ST6GALNAC3: variants seen among roughly 807,000 people sequenced by gnomAD.
ST6GALNAC3 encodes the protein alpha-N-acetylgalactosaminide alpha-2,6-sialyltransferase 3.
In ST6GALNAC3, 25 loss-of-function variants were observed where a neutral mutation model predicts 32.7. The ratio of observed to expected loss-of-function variants is 0.76; its 90% CI spans 0.56 to 1.07. ST6GALNAC3 has a LOEUF of 1.07. Among genes scored for constraint, ST6GALNAC3 ranks in the 50% least tolerant of loss-of-function variants. The pLI is 0.00. For synonymous variants in ST6GALNAC3, 129 were observed against 133.1 expected, an observed-to-expected ratio of 0.97 and a Z score of 0.21; for missense variants, 355 against 382.4, an observed-to-expected ratio of 0.93 and a Z score of 0.60.
intron 1 of ST6GALNAC3, among the ~76,000 whole-genome samples, chr1:76,259,077 G>A (rs895884681): frequency 2.6e-5 from 4 of 152,012 alleles, no homozygotes; most frequent in Admixed American, 2.6e-4. Flanking sequence ...CCTCGCTCAC[G>A]AAAATAAAAG....
At chr1:76,171,943 C>G (rs1455513077) in intron 1 of ST6GALNAC3, among the ~76,000 whole-genome samples, 1 of 151,938 alleles carries the variant, frequency 6.6e-6, no homozygotes, top group African/African-American at 2.4e-5. Context: ...TGAAACTATT[C>G]CAAACAGTTG....
chr1:76,369,501 G>T (rs1425767571), intron 2 of ST6GALNAC3, among the ~76,000 whole-genome samples: 1 of 152,148 alleles, frequency 6.6e-6, no homozygotes, highest in Non-Finnish European at 1.5e-5. Context: ...GGAAGAAGCT[G>T]AGGCACAGAG....
chr1:76,511,305 C>CA (rs767761030), intron 3 of ST6GALNAC3, among the ~76,000 whole-genome samples: 26 of 152,304 alleles, frequency 1.7e-4, no homozygotes, highest in Non-Finnish European at 3.5e-4. Flanking sequence ...TCTCTGACCT[C>CA]ACCTCCACCT....
chr1:76,562,393 C>G (rs1453564912), intron 3 of ST6GALNAC3, among the ~76,000 whole-genome samples: 2 of 152,100 alleles, frequency 1.3e-5, no homozygotes, highest in Non-Finnish European at 2.9e-5. Flanking sequence ...AAATTAAAAG[C>G]AGGGCTTGAA....
At chr1:76,376,689 CA>C (rs1442603235) in intron 2 of ST6GALNAC3, among the ~76,000 whole-genome samples, 3 of 152,182 alleles carry the variant, frequency 2.0e-5, no homozygotes, top group African/African-American at 7.2e-5. Context: ...CTGCACTCCA[CA>C]AATCTGATTT....
At chr1:76,317,063 A>G (rs1026949297) in intron 2 of ST6GALNAC3, among the ~76,000 whole-genome samples, 2 of 152,182 alleles carry the variant, frequency 1.3e-5, no homozygotes, top group African/African-American at 4.8e-5. Flanking sequence ...GTGATAGAGC[A>G]GAAAATTTTG....
At chr1:76,337,602 G>A (rs1647608254) in intron 2 of ST6GALNAC3, among the ~76,000 whole-genome samples, 1 of 152,060 alleles carries the variant, frequency 6.6e-6, no homozygotes, top group Non-Finnish European at 1.5e-5. Context: ...TGGGGGTCAC[G>A]ATCTCCTGGG....
chr1:76,350,749 ATGTAATATTAGTAC>A (rs2101020725), intron 2 of ST6GALNAC3, among the ~76,000 whole-genome samples: 1 of 152,338 alleles, frequency 6.6e-6, no homozygotes, highest in African/African-American at 2.4e-5. Context: ...CATCTAAGAC[ATGTAATATTAGTAC>A]TGTAATGTCT....
chr1:76,575,420 C>A lies in ST6GALNAC3; in HGVS notation c.624-52032C>A, dbSNP rs150475571. 2.7e-3 allele frequency among the ~76,000 whole-genome samples: 410 copies of A among 152,204 alleles called. 3 individuals are homozygous for A. Among genetic ancestry groups the A allele is most frequent in the Middle Eastern group, 0.014 (4 of 294 alleles). ...ACCAAACATGCATTGAGCACTCACG[C>A]TGTATCAGACACAATCGTTAGTACT... On this transcript the variant is annotated intron_variant, in intron 3 of 4. Transcript: ENST00000328299.
chr1:76,434,436 T>C (rs1156500072), intron 3 of ST6GALNAC3, among the ~76,000 whole-genome samples: 1 of 152,236 alleles, frequency 6.6e-6, no homozygotes, highest in Non-Finnish European at 1.5e-5. Flanking sequence ...ATCAGCATTT[T>C]ATTTATTTGT....
chr1:76,208,051 C>CCT (rs71071993), intron 1 of ST6GALNAC3, among the ~76,000 whole-genome samples: 3 of 150,496 alleles, frequency 2.0e-5, no homozygotes, highest in African/African-American at 7.3e-5. Context: ...GCCCCCCCCC[C>CCT]CAAAAAATAG....
chr1:76,552,388 C>G (rs1664690383), intron 3 of ST6GALNAC3, among the ~76,000 whole-genome samples: 1 of 152,192 alleles, frequency 6.6e-6, no homozygotes, highest in Non-Finnish European at 1.5e-5. Flanking sequence ...CTTTGCTTTC[C>G]TTTCACTTTT....
chr1:76,465,949 A>G (rs759109317), intron 3 of ST6GALNAC3, among the ~76,000 whole-genome samples: 13 of 152,126 alleles, frequency 8.5e-5, no homozygotes, highest in Admixed American at 2.6e-4. Context: ...AAATAAAACA[A>G]CCAATTTTTC....
chr1:76,232,513 T>G (rs2100641759), intron 1 of ST6GALNAC3, among the ~76,000 whole-genome samples: 1 of 152,322 alleles, frequency 6.6e-6, no homozygotes, highest in Admixed American at 6.5e-5. Flanking sequence ...TCTGGCCATC[T>G]GGGAGTAAGG....
intron 1 of ST6GALNAC3, among the ~76,000 whole-genome samples, chr1:76,179,615 A>T (rs1653052470): frequency 6.6e-6 from 1 of 152,152 alleles, no homozygotes; most frequent in African/African-American, 2.4e-5. Flanking sequence ...TTAGAGTGAA[A>T]ACCAAAGACT....
chr1:76,338,926 A>G lies in ST6GALNAC3; in HGVS notation c.213+24927A>G, dbSNP rs79644491. On this transcript the variant is annotated intron_variant, in intron 2 of 4. Coordinates refer to ENST00000328299, the MANE Select transcript of ST6GALNAC3 (RefSeq NM_152996.4). Reference sequence around the variant, plus strand: ...CCCAGGATGGAGTCAAGATGAGTGTATAGTAGGAGAGTCTGGAATAGCTCT... The same window carrying G: ...CCCAGGATGGAGTCAAGATGAGTGTGTAGTAGGAGAGTCTGGAATAGCTCT... Among the ~76,000 whole-genome samples the G allele has an allele frequency of 8.1e-3, 1,241 of 152,342 alleles. 11 individuals carry two copies. The highest frequency in any genetic ancestry group is 0.028 in the African/African-American group (1,181 of 41,572).
Position 76,399,663 on chromosome 1 carries a change from C to T in ST6GALNAC3, c.214-12345C>T, listed in dbSNP as rs1439036560. On this transcript the variant is annotated intron_variant, in intron 2 of 4. Coordinates refer to ENST00000328299, the MANE Select transcript of ST6GALNAC3 (RefSeq NM_152996.4). ...TGAGATTATCTTGAACCTATAGATT[C>T]ATTTGAGGATAATTTACCTCTTTAC... 2.6e-5 allele frequency among the ~76,000 whole-genome samples: 4 copies of T among 152,132 alleles called. 1 individual carries two copies. In the South Asian group the frequency reaches 8.3e-4, roughly 32 times the overall value.
chr1:76,501,274 T>C (rs59148043), intron 3 of ST6GALNAC3, among the ~76,000 whole-genome samples: 14,755 of 152,228 alleles, frequency 0.097, 1,424 homozygotes, highest in African/African-American at 0.25. Flanking sequence ...GCCCCTTTCC[T>C]GTCCATTCTC....
At chr1:76,156,875 G>A (rs548414468) in intron 1 of ST6GALNAC3, among the ~76,000 whole-genome samples, 31 of 152,310 alleles carry the variant, frequency 2.0e-4, no homozygotes, top group Admixed American at 2.0e-3. Context: ...GGGACTACAG[G>A]CGCCCGCCAC....
Sources: gnomAD v4.1 joint callset for allele counts (sites outside exome capture counted in the v4.1 genomes callset) on GRCh38, gnomAD v4.1.1 for gene constraint, MANE v1.5 for transcripts, NCBI Gene and HGNC (gene_info 2026-07-23, HGNC 2026-07-21) for gene names.